Variants in WDR70 observed in about 807,000 individuals in gnomAD.
The protein encoded by WDR70 is WD repeat-containing protein 70.
A neutral mutation model predicts 88.6 loss-of-function variants in WDR70; 53 were observed. The ratio of observed to expected loss-of-function variants is 0.60; its 90% CI spans 0.48 to 0.75. The LOEUF (loss-of-function observed/expected upper bound fraction) is 0.75, where lower values mean the gene tolerates loss of function less well. Ranked by LOEUF, WDR70 falls within the 30% of genes least tolerant of loss-of-function variation. WDR70 has a pLI of 0.00. For missense variants in WDR70, 610 were observed against 823.2 expected (o/e 0.74, Z 3.17); for synonymous variants, 280 against 270.0 (o/e 1.04, Z -0.36).
At chr5:37,528,119 C>T (rs1389756538) in intron 9 of WDR70, among the ~76,000 whole-genome samples, 2 of 152,180 alleles carry the variant, frequency 1.3e-5, no homozygotes, top group African/African-American at 2.4e-5. Flanking sequence ...CCCAGCCATC[C>T]CATTACTGGG....
Position 37,401,812 on chromosome 5 carries a change from A to G in WDR70, c.492+5242A>G, listed in dbSNP as rs565384575. Among the ~76,000 whole-genome samples the G allele has an allele frequency of 2.7e-4, 41 of 152,206 alleles. No homozygotes were observed. The East Asian group carries it at 7.9e-3, about 29-fold the overall frequency. On this transcript the variant is annotated intron_variant, in intron 5 of 17. Transcript: ENST00000265107. ...TTGACAGATTATTTTTAATTGACAT[A>G]ATTGTACATATTTCTGGGGTAGAGT...
chr5:37,507,987 T>C (rs1740612805), intron 8 of WDR70, among the ~76,000 whole-genome samples: 1 of 152,174 alleles, frequency 6.6e-6, no homozygotes, highest in Admixed American at 6.5e-5. Flanking sequence ...TTATTGTACT[T>C]AACTAGGGCT....
At chr5:37,410,278 A>G (rs2111953592) in intron 5 of WDR70, among the ~76,000 whole-genome samples, 1 of 151,120 alleles carries the variant, frequency 6.6e-6, no homozygotes, top group Non-Finnish European at 1.5e-5. Flanking sequence ...GGCTCAAGAA[A>G]TCTGCCTGCC....
intron 7 of WDR70, among the ~76,000 whole-genome samples, chr5:37,457,078 T>A (rs1332032745): frequency 2.1e-4 from 32 of 152,142 alleles, no homozygotes; most frequent in Non-Finnish European, 1.5e-4. Flanking sequence ...CCAGACTTTT[T>A]TTTCCGCATA....
intron 9 of WDR70, among the ~76,000 whole-genome samples, chr5:37,573,347 C>T (rs1742963077): frequency 6.6e-6 from 1 of 152,124 alleles, no homozygotes; most frequent in South Asian, 2.1e-4. Flanking sequence ...CAAAAGGCCC[C>T]TGTTCACCCG....
intron 10 of WDR70, among the ~76,000 whole-genome samples, chr5:37,675,817 C>T (rs1007786552): frequency 6.6e-6 from 1 of 152,016 alleles, no homozygotes; most frequent in African/African-American, 2.4e-5. Context: ...CTATAAATTA[C>T]CTTGGGCAGT....
intron 10 of WDR70, among the ~76,000 whole-genome samples, chr5:37,688,419 T>TA (rs1746677717): frequency 6.6e-6 from 1 of 152,192 alleles, no homozygotes; most frequent in South Asian, 2.1e-4. Context: ...TGGATATCTA[T>TA]ACGTATTGCT....
intron 4 of WDR70, 125 bp downstream of exon 4, chr5:37,392,245 G>A (rs1748855508): frequency 6.3e-6 from 7 of 1,118,412 alleles, no homozygotes; most frequent in African/African-American, 1.7e-5. Context: ...GTGCAGTGGC[G>A]TGATCTTGGC....
chr5:37,716,988 T>A (rs1462690276), intron 13 of WDR70, among the ~76,000 whole-genome samples: 1 of 152,088 alleles, frequency 6.6e-6, no homozygotes, highest in Non-Finnish European at 1.5e-5. Flanking sequence ...AAGAAAAAAA[T>A]CTCTCTGTTG....
At chr5:37,398,323 C>T (rs1213262150) in intron 5 of WDR70, among the ~76,000 whole-genome samples, 4 of 151,610 alleles carry the variant, frequency 2.6e-5, no homozygotes, top group Non-Finnish European at 5.9e-5. Flanking sequence ...CTCCTGACCT[C>T]GTGATCTGCC....
At chr5:37,396,328 C>T in intron 4 of WDR70, 47 bp from the exon 5 acceptor site, 1 of 1,511,578 alleles carries the variant, frequency 6.6e-7, no homozygotes, top group Non-Finnish European at 8.9e-7. Flanking sequence ...CCAAAGTGTG[C>T]TCTTCATTGC....
At position 37,467,684 on chromosome 5, in the gene WDR70, C is replaced by A. The variant is rs576540766; in HGVS notation, c.687-12150C>A. Among the ~76,000 whole-genome samples the A allele has an allele frequency of 6.6e-5, 10 of 151,800 alleles. No individual in the cohort carries two copies. In the South Asian group the frequency reaches 1.9e-3, roughly 29 times the overall value. On this transcript the variant is annotated intron_variant, in intron 7 of 17. Coordinates refer to ENST00000265107, the MANE Select transcript of WDR70 (RefSeq NM_018034.4). Reference sequence around the variant, plus strand: ...CCTCAGTAGCTGGGACTAAGGTGCCCGCCACTGCGCCCGGCTAATTTTTTA... The same window carrying A: ...CCTCAGTAGCTGGGACTAAGGTGCCAGCCACTGCGCCCGGCTAATTTTTTA...
chr5:37,684,846 G>A (rs1404797751), intron 10 of WDR70, among the ~76,000 whole-genome samples: 1 of 152,250 alleles, frequency 6.6e-6, no homozygotes, highest in Non-Finnish European at 1.5e-5. Flanking sequence ...CATGCTCACT[G>A]GCTGCAGTGC....
At chr5:37,622,742 G>A (rs1744547268) in intron 10 of WDR70, among the ~76,000 whole-genome samples, 1 of 152,062 alleles carries the variant, frequency 6.6e-6, no homozygotes, top group African/African-American at 2.4e-5. Context: ...GGCCTGTTGT[G>A]GGGTGGGGGG....
intron 17 of WDR70, among the ~76,000 whole-genome samples, chr5:37,745,604 C>T (rs1301144111): frequency 7.0e-6 from 1 of 142,190 alleles, no homozygotes; most frequent in African/African-American, 2.5e-5. Flanking sequence ...AAATGGAAAG[C>T]AAAAAAAAAA....
At chr5:37,688,307 G>A (rs1746673871) in intron 10 of WDR70, among the ~76,000 whole-genome samples, 1 of 152,136 alleles carries the variant, frequency 6.6e-6, no homozygotes, top group African/African-American at 2.4e-5. Flanking sequence ...GCTTTTGCTT[G>A]AACTGAATCT....
chr5:37,703,953 G>A (rs1399459749), intron 13 of WDR70, among the ~76,000 whole-genome samples: 1 of 152,122 alleles, frequency 6.6e-6, no homozygotes, highest in Non-Finnish European at 1.5e-5. Flanking sequence ...AAACAGTTGA[G>A]ACATATTATG....
intron 9 of WDR70, among the ~76,000 whole-genome samples, chr5:37,551,171 G>C (rs1056919495): frequency 6.6e-6 from 1 of 151,946 alleles, no homozygotes; most frequent in Non-Finnish European, 1.5e-5. Flanking sequence ...CAGGCATGGT[G>C]GCACATGCCT....
chr5:37,428,938 T>G (rs376647405), intron 5 of WDR70, among the ~76,000 whole-genome samples: 1 of 152,358 alleles, frequency 6.6e-6, no homozygotes, highest in East Asian at 1.9e-4. Flanking sequence ...TAATGTTAGC[T>G]ATTCCAGTAA....
Sources: allele counts gnomAD v4.1 joint callset (sites outside exome capture counted in the v4.1 genomes callset), GRCh38; gene constraint gnomAD v4.1.1; transcripts MANE v1.5; gene names NCBI Gene and HGNC (gene_info 2026-07-23, HGNC 2026-07-21).